The following TFDP2 variants were observed in gnomAD, a reference collection of about 807,000 sequenced individuals.
TFDP2 encodes transcription factor Dp-2.
TFDP2 carries 17 observed loss-of-function variants against 59.3 expected under a neutral mutation model. The observed-to-expected ratio is 0.29, with a 90% CI of 0.20 to 0.43. The LOEUF is 0.43. Among genes scored for constraint, TFDP2 ranks in the 20% least tolerant of loss-of-function variants. The probability of loss-of-function intolerance (pLI) is 1.00; values close to 1 mark genes in which losing one functional copy is unlikely to be tolerated. For synonymous variants in TFDP2, 180 were observed against 194.7 expected (o/e 0.92, Z 0.63); for missense variants, 391 against 528.8 (o/e 0.74, Z 2.56).
At chr3:142,098,872 A>G (rs1229987863) in intron 2 of TFDP2, among the ~76,000 whole-genome samples, 1 of 152,224 alleles carries the variant, frequency 6.6e-6, no homozygotes, top group East Asian at 1.9e-4. Flanking sequence ...GATCCCTGGA[A>G]TCTAGATGTG....
chr3:142,078,934 G>A (rs895051065), intron 3 of TFDP2, among the ~76,000 whole-genome samples: 1 of 152,052 alleles, frequency 6.6e-6, no homozygotes, highest in Non-Finnish European at 1.5e-5. Context: ...AATTCTATCA[G>A]ATAAATTTAA....
chr3:142,003,277 A>G (rs535024315), intron 4 of TFDP2, among the ~76,000 whole-genome samples: 86 of 151,276 alleles, frequency 5.7e-4, no homozygotes, highest in African/African-American at 2.0e-3. Flanking sequence ...GGGATTACAG[A>G]CATGAGCCAC....
At chr3:142,147,203 T>C (rs2063211400) in intron 1 of TFDP2, among the ~76,000 whole-genome samples, 1 of 152,210 alleles carries the variant, frequency 6.6e-6, no homozygotes, top group Non-Finnish European at 1.5e-5. Context: ...TATCTATTCA[T>C]GCCGCACACC....
intron 1 of TFDP2, among the ~76,000 whole-genome samples, chr3:142,148,060 G>A: frequency 6.7e-6 from 1 of 150,200 alleles, no homozygotes. Flanking sequence ...AAAAAAAACA[G>A]GTAAATTATT....
intron 1 of TFDP2, among the ~76,000 whole-genome samples, chr3:142,119,055 G>A (rs949508564): frequency 3.3e-5 from 5 of 152,114 alleles, no homozygotes; most frequent in African/African-American, 7.2e-5. Flanking sequence ...CAGCTACCTG[G>A]GTGGCTGAGG....
intron 11 of TFDP2, among the ~76,000 whole-genome samples, chr3:141,954,159 T>C (rs1936274054): frequency 6.6e-6 from 1 of 150,994 alleles, no homozygotes; most frequent in African/African-American, 2.4e-5. Context: ...AAACTCCATC[T>C]CAAAAAATAA....
At chr3:142,017,816 G>A (rs1945258174) in intron 3 of TFDP2, among the ~76,000 whole-genome samples, 1 of 152,176 alleles carries the variant, frequency 6.6e-6, no homozygotes, top group Non-Finnish European at 1.5e-5. Flanking sequence ...CTCCCAAAGT[G>A]CTGGGATTAC....
rs1331386960 is a variant in TFDP2, at chr3:142,073,773, A to G, written c.82+19288T>C. On this transcript the variant is annotated intron_variant, in intron 3 of 12. Transcript: ENST00000489671. Reference sequence around the variant, plus strand: ...ACAAAATCATAAAACCATCACCTCTATTTAATTCCAGAACATTATCATCAC... The same window carrying G: ...ACAAAATCATAAAACCATCACCTCTGTTTAATTCCAGAACATTATCATCAC... Among the ~76,000 whole-genome samples, 10 of 152,208 alleles carry G rather than the reference A, an allele frequency of 6.6e-5. No individual in the cohort carries two copies. In the East Asian group the frequency reaches 1.7e-3, roughly 26 times the overall value.
At chr3:142,004,353 C>T (rs1944052200) in intron 4 of TFDP2, among the ~76,000 whole-genome samples, 1 of 152,184 alleles carries the variant, frequency 6.6e-6, no homozygotes, top group South Asian at 2.1e-4. Context: ...GTCTAAATAA[C>T]TTTGCATTTA....
At chr3:142,085,938 T>C (rs142572653) in intron 3 of TFDP2, among the ~76,000 whole-genome samples, 1 of 152,342 alleles carries the variant, frequency 6.6e-6, no homozygotes, top group African/African-American at 2.4e-5. Flanking sequence ...GATTAGTACC[T>C]TGCCTCTGAC....
chr3:142,025,533 T>C (rs1346710773), intron 3 of TFDP2, among the ~76,000 whole-genome samples: 1 of 152,238 alleles, frequency 6.6e-6, no homozygotes, highest in East Asian at 1.9e-4. Flanking sequence ...TCACAATCTA[T>C]GATGCTGTCA....
At chr3:141,955,035 CAA>C (rs1423134024) in intron 11 of TFDP2, among the ~76,000 whole-genome samples, 1 of 143,096 alleles carries the variant, frequency 7.0e-6, no homozygotes, top group African/African-American at 2.5e-5. Context: ...TAAATAACGA[CAA>C]GTCTGTACAA....
At chr3:142,135,809 G>A (rs2062707967) in intron 1 of TFDP2, among the ~76,000 whole-genome samples, 1 of 152,062 alleles carries the variant, frequency 6.6e-6, no homozygotes, top group Non-Finnish European at 1.5e-5. Flanking sequence ...TATCATTGAT[G>A]GACATTTGGG....
At chr3:142,081,755 T>C (rs1277919137) in intron 3 of TFDP2, among the ~76,000 whole-genome samples, 1 of 152,104 alleles carries the variant, frequency 6.6e-6, no homozygotes, top group Non-Finnish European at 1.5e-5. Flanking sequence ...CCCAGACACA[T>C]ACAACCTACC....
rs572026372 is a variant in TFDP2, at chr3:141,988,861, C to T, written c.356+4677G>A. The stretch of plus-strand genomic sequence containing the variant: ...TATTCTTAGTAGAGACAGGGTTTCA[C>T]CATGTGGGCCAGGATGGTCTCGAAC... On this transcript the variant is annotated intron_variant, in intron 6 of 12. Coordinates refer to ENST00000489671, the MANE Select transcript of TFDP2 (RefSeq NM_001178139.2). 2.0e-5 allele frequency among the ~76,000 whole-genome samples: 3 copies of T among 151,852 alleles called. No homozygotes were observed. The South Asian group carries it at 6.3e-4, about 32-fold the overall frequency.
At chr3:142,126,938 C>T (rs1363359402) in intron 1 of TFDP2, among the ~76,000 whole-genome samples, 5 of 130,028 alleles carry the variant, frequency 3.8e-5, no homozygotes, top group Admixed American at 1.6e-4. Flanking sequence ...AGAGTGAGAC[C>T]TTGTCTCAAA....
chr3:142,028,431 T>C lies in TFDP2; in HGVS notation c.83-22887A>G, dbSNP rs549262743. On this transcript the variant is annotated intron_variant, in intron 3 of 12. Coordinates refer to ENST00000489671, the MANE Select transcript of TFDP2 (RefSeq NM_001178139.2). ...ACCCCAACCCCCATACATAACCCTG[T>C]AGTTTTTCTGTCTGCAACAAGCAAG... 3 of 149,676 alleles carry C rather than the reference T, an allele frequency of 2.0e-5. No homozygotes were observed. The South Asian group carries it at 7.7e-4, about 38-fold the overall frequency. 9.3% of individuals were successfully genotyped at this position (149,676 alleles called of 1,614,324 possible). A position where few individuals can be genotyped will look rare whatever the true frequency, so the allele number is the denominator to read the frequency against.
In TFDP2 at chr3:141,945,602, C is replaced by T. The variant is rs1325811563; in HGVS notation, c.*6911G>A. 5 of 152,208 alleles carry T rather than the reference C, an allele frequency of 3.3e-5. No homozygotes were observed. The highest frequency in any genetic ancestry group is 4.8e-5 in the African/African-American group (2 of 41,450). 9.4% of individuals were successfully genotyped at this position (152,208 alleles called of 1,614,324 possible). ...AGAGGTTGAACCTGCCATGGAACTA[C>T]TGGGAAAACTAGAACTGCAACAAGC... On this transcript the variant is annotated 3_prime_UTR_variant, in exon 13 of 13. Transcript: ENST00000489671.
intron 6 of TFDP2, among the ~76,000 whole-genome samples, chr3:141,980,696 T>C (rs1941398501): frequency 6.6e-6 from 1 of 151,994 alleles, no homozygotes; most frequent in African/African-American, 2.4e-5. Context: ...CCCCCATGAC[T>C]GGCTAATTTT....
Sources: allele counts gnomAD v4.1 joint callset (sites outside exome capture counted in the v4.1 genomes callset), GRCh38; gene constraint gnomAD v4.1.1; transcripts MANE v1.5; gene names NCBI Gene and HGNC (gene_info 2026-07-23, HGNC 2026-07-21).